Variants in FRMPD4 observed in about 807,000 individuals in gnomAD.
FRMPD4 encodes FERM and PDZ domain containing 4.
FRMPD4 carries 22 observed loss-of-function variants against 94.1 expected under a neutral mutation model. That is an observed-to-expected ratio of 0.23 (90% confidence interval 0.17 to 0.33). The LOEUF (loss-of-function observed/expected upper bound fraction) is 0.33, where lower values mean the gene tolerates loss of function less well. Among genes scored for constraint, FRMPD4 ranks in the 10% least tolerant of loss-of-function variants. The pLI is 1.00. For missense variants in FRMPD4, 1,111 were observed against 1,339.9 expected (o/e 0.83, Z 2.67); for synonymous variants, 631 against 548.6 (o/e 1.15, Z -2.10).
At chrX:11,995,213 A>G (rs2054490250) in intron 3 of FRMPD4, among the ~76,000 whole-genome samples, 1 of 112,043 alleles carries the variant, frequency 8.9e-6, no homozygotes, top group Admixed American at 9.5e-5. Context: ...GAAACTTTCC[A>G]AAGAGATCTG....
At chrX:12,111,810 GA>G in intron 3 of FRMPD4, among the ~76,000 whole-genome samples, 1 of 111,967 alleles carries the variant, frequency 8.9e-6, no homozygotes, top group East Asian at 2.8e-4. Flanking sequence ...ACAGACACAT[GA>G]AAAAATGCTC....
chrX:12,649,361 T>G (rs2059576747), intron 4 of FRMPD4, among the ~76,000 whole-genome samples: 1 of 111,677 alleles, frequency 9.0e-6, no homozygotes, highest in Non-Finnish European at 1.9e-5. Flanking sequence ...AATTACTGAT[T>G]ACTAATAATT....
At chrX:12,053,285 G>C (rs905852010) in intron 3 of FRMPD4, among the ~76,000 whole-genome samples, 2 of 105,401 alleles carry the variant, frequency 1.9e-5, no homozygotes, top group Admixed American at 1.1e-4. Context: ...GTTGCAGTGA[G>C]CTGAGATCGT....
intron 3 of FRMPD4, among the ~76,000 whole-genome samples, chrX:12,013,262 C>T (rs1046546433): frequency 8.9e-6 from 1 of 111,886 alleles, no homozygotes; most frequent in African/African-American, 3.3e-5. Flanking sequence ...TTTATTGTAC[C>T]TTCCCTCCAT....
At chrX:11,966,551 T>G (rs886069596) in intron 3 of FRMPD4, among the ~76,000 whole-genome samples, 2 of 111,394 alleles carry the variant, frequency 1.8e-5, no homozygotes, top group Non-Finnish European at 3.8e-5. Context: ...ATCATCATCA[T>G]AGCCTCAAGT....
At chrX:12,323,285 T>C (rs774166089) in intron 1 of FRMPD4, among the ~76,000 whole-genome samples, 55 of 112,034 alleles carry the variant, frequency 4.9e-4, no homozygotes, top group Admixed American at 2.4e-3. Flanking sequence ...GAGTCAGACA[T>C]TGACAATCAG....
chrX:12,330,856 T>C (rs1328808881), intron 1 of FRMPD4, among the ~76,000 whole-genome samples: 1 of 111,969 alleles, frequency 8.9e-6, no homozygotes, highest in Non-Finnish European at 1.9e-5. Context: ...CCACACTCGC[T>C]AGGGCTAGAC....
intron 1 of FRMPD4, among the ~76,000 whole-genome samples, chrX:12,199,267 G>GTGTGTGTA (rs59345526): frequency 1.0e-3 from 100 of 99,882 alleles, no homozygotes; most frequent in African/African-American, 4.0e-3. Context: ...GTGTGTGTGT[G>GTGTGTGTA]TGTATGTGTG....
intron 1 of FRMPD4, among the ~76,000 whole-genome samples, chrX:12,444,496 A>C (rs2057173479): frequency 8.9e-6 from 1 of 112,120 alleles, no homozygotes; most frequent in Admixed American, 9.5e-5. Flanking sequence ...TAGACAGTGA[A>C]GTTCTTGGGA....
At chrX:12,064,271 C>G (rs921605689) in intron 3 of FRMPD4, among the ~76,000 whole-genome samples, 1 of 112,202 alleles carries the variant, frequency 8.9e-6, no homozygotes, top group African/African-American at 3.2e-5. Flanking sequence ...TGATATAATA[C>G]GTACTTAAGG....
At chrX:12,442,952 A>G (rs999599777) in intron 1 of FRMPD4, among the ~76,000 whole-genome samples, 1 of 112,061 alleles carries the variant, frequency 8.9e-6, no homozygotes, top group Non-Finnish European at 1.9e-5. Flanking sequence ...CTTAAAAAGC[A>G]TTATGAGAAG....
intron 1 of FRMPD4, among the ~76,000 whole-genome samples, chrX:12,495,254 T>C (rs1237622879): frequency 8.9e-6 from 1 of 112,015 alleles, no homozygotes; most frequent in Non-Finnish European, 1.9e-5. Context: ...AAGCCATTCA[T>C]ACTTGCAAAA....
intron 3 of FRMPD4, among the ~76,000 whole-genome samples, chrX:12,099,792 G>C (rs1435075127): frequency 8.9e-6 from 1 of 112,482 alleles, no homozygotes; most frequent in Non-Finnish European, 1.9e-5. Flanking sequence ...ATAGGGGAAA[G>C]AACATGAGCT....
chrX:12,411,911 G>C (rs1041305824), intron 1 of FRMPD4, among the ~76,000 whole-genome samples: 2 of 111,690 alleles, frequency 1.8e-5, no homozygotes, highest in Non-Finnish European at 3.8e-5. Context: ...AAGGGAGGCT[G>C]CCTGGTAACT....
intron 1 of FRMPD4, among the ~76,000 whole-genome samples, chrX:12,242,876 A>C (rs2053897602): frequency 8.9e-6 from 1 of 112,608 alleles, no homozygotes; most frequent in East Asian, 2.8e-4. Context: ...AGCTAGGAAT[A>C]CAGGCCCATG....
intron 1 of FRMPD4, among the ~76,000 whole-genome samples, chrX:12,250,022 TTCTCTCTCTCTCTC>T (rs3835008): frequency 1.0e-5 from 1 of 97,501 alleles, no homozygotes; most frequent in Admixed American, 1.2e-4. Context: ...AATTATGGTA[TTCTCTCTCTCTCTC>T]TCTCTCTCTC....
intron 11 of FRMPD4, 87 bp downstream of exon 11, chrX:12,704,572 ATACT>A: frequency 1.6e-6 from 1 of 642,322 alleles, no homozygotes; most frequent in Non-Finnish European, 2.4e-6. Flanking sequence ...CATGAATAAA[ATACT>A]TAGTACCATA....
intron 1 of FRMPD4, among the ~76,000 whole-genome samples, chrX:12,474,504 A>G (rs1057206430): frequency 8.9e-6 from 1 of 111,954 alleles, no homozygotes; most frequent in Non-Finnish European, 1.9e-5. Context: ...ACCCTTCAAA[A>G]AATCAATGAA....
At chrX:11,871,330 C>A (rs1334711964) in intron 2 of FRMPD4, among the ~76,000 whole-genome samples, 1 of 111,818 alleles carries the variant, frequency 8.9e-6, no homozygotes, top group Non-Finnish European at 1.9e-5. Flanking sequence ...CTGGGGGAAT[C>A]CAACTGAAGA....
Sources: allele counts gnomAD v4.1 joint callset (sites outside exome capture counted in the v4.1 genomes callset), GRCh38; gene constraint gnomAD v4.1.1; transcripts MANE v1.5; gene names NCBI Gene and HGNC (gene_info 2026-07-23, HGNC 2026-07-21).